The following MS4A4E variants were observed in gnomAD, a reference collection of about 807,000 sequenced individuals.
MS4A4E encodes membrane spanning 4-domains A4E.
Under a neutral mutation model 13.3 loss-of-function variants are expected in MS4A4E, and 23 were observed. That is an observed-to-expected ratio of 1.73 (90% CI 1.25 to 2.45). The LOEUF (loss-of-function observed/expected upper bound fraction) is 2.45, where lower values mean the gene tolerates loss of function less well. MS4A4E is among the 30% of genes most tolerant of loss of function. The pLI, the probability that MS4A4E is intolerant of heterozygous loss-of-function variation, is 0.00. For missense variants in MS4A4E, 144 were observed against 131.2 expected (o/e 1.10, Z -0.48); for synonymous variants, 36 against 45.6 (o/e 0.79, Z 0.85).
chr11:60,222,587 G>A (rs2084282953), intron 3 of MS4A4E, among the ~76,000 whole-genome samples: 1 of 152,150 alleles, frequency 6.6e-6, no homozygotes, highest in Admixed American at 6.5e-5. Flanking sequence ...CAGAAATCAA[G>A]GGGTATAAGT....
rs1213590257 is a variant in MS4A4E, at chr11:60,243,012, C to T, written c.-71G>A. On this transcript the variant is annotated 5_prime_UTR_variant, in exon 1 of 9. Coordinates refer to ENST00000651255, the MANE Select transcript of MS4A4E (RefSeq NM_001393391.1). ...GGTCTGATGAGTGCAGGGCTCTGGG[C>T]AAGTTCCTCAAAGTTCTTTGTTCCA... The T allele has an allele frequency of 1.3e-6, 2 of 1,534,252 alleles. No individual in the cohort carries two copies. Among genetic ancestry groups the T allele is most frequent in the South Asian group, 1.2e-5 (1 of 83,356 alleles).
rs2084078750 is a variant in MS4A4E at position 60,208,597 on chromosome 11, C to T, written c.479G>A (p.Ser160Asn). 9 of 1,242,288 alleles carry T rather than the reference C, an allele frequency of 7.2e-6. No homozygotes were observed. Among genetic ancestry groups the T allele is most frequent in the Admixed American group, 5.5e-5 (3 of 54,124 alleles). The allele number at this position is 1,242,288 out of a possible 1,614,324, so 77.0% of individuals were successfully genotyped here. Residue 160 changes from serine (S) to asparagine (N), a missense_variant, in exon 6 of 9, where the codon AGT becomes AAT. Physicochemically the swap from Ser to Asn is conservative, Grantham distance 46. Around this residue, in one of 3 missense-constraint regions of MS4A4E, gnomAD observed 21 missense variants for 25.1 expected, o/e 0.84. Transcript: ENST00000651255. The stretch of plus-strand genomic sequence containing the variant: ...CAAATGAAGGCCAATACTGACCTCA[C>T]TGGGGCTACAACAAAGCACTTTACA... ...FGCKVLCCSP[S>N]ESKNKIRSNT...
intron 3 of MS4A4E, 99 bp from the exon 4 acceptor site, chr11:60,214,713 T>C (rs2084168873): frequency 7.2e-6 from 5 of 692,342 alleles, no homozygotes; most frequent in Admixed American, 3.1e-5. Flanking sequence ...CCAAATTAGA[T>C]AGATATGTAT....
chr11:60,205,731 G>A lies in MS4A4E; in HGVS notation c.573C>T (p.Val191=), dbSNP rs1006735100. Among the ~76,000 whole-genome samples the A allele has an allele frequency of 3.3e-5, 5 of 152,150 alleles. No individual in the cohort carries two copies. Among genetic ancestry groups the A allele is most frequent in the Admixed American group, 1.3e-4 (2 of 15,280 alleles). Residue 191 remains valine (V), a synonymous_variant, in exon 7 of 9, where the codon GTC becomes GTT. Coordinates refer to ENST00000651255, the MANE Select transcript of MS4A4E (RefSeq NM_001393391.1). The part of the protein sequence containing the change: ...QYDGKRLNVD[V]DSTVWCSGDG... ...TTATTTACCACCATACAGTACTGTC[G>A]ACATCAACATTTAGTCTCTTTCCAT...
At chr11:60,232,284 A>AACACACACACACACACACACACACACAC (rs3221531) in intron 1 of MS4A4E, among the ~76,000 whole-genome samples, 58 of 130,240 alleles carry the variant, frequency 4.5e-4, no homozygotes, top group Middle Eastern at 3.6e-3. Context: ...CATCGCCATC[A>AACACACACACACACACACACACACACAC]ACACACACAC....
intron 1 of MS4A4E, among the ~76,000 whole-genome samples, chr11:60,236,604 A>G (rs2084486310): frequency 6.6e-6 from 1 of 150,680 alleles, no homozygotes; most frequent in Non-Finnish European, 1.5e-5. Context: ...AGCATATAGA[A>G]CTCCAATTTA....
At chr11:60,240,807 T>C (rs2084539012) in intron 1 of MS4A4E, among the ~76,000 whole-genome samples, 1 of 152,146 alleles carries the variant, frequency 6.6e-6, no homozygotes. Flanking sequence ...ACTAACAGTT[T>C]TGCATAGTTT....
chr11:60,234,225 T>C (rs1439048523), intron 1 of MS4A4E, among the ~76,000 whole-genome samples: 1 of 152,202 alleles, frequency 6.6e-6, no homozygotes, highest in Non-Finnish European at 1.5e-5. Context: ...CTGCTTCTGA[T>C]GACTCTGGAC....
intron 3 of MS4A4E, among the ~76,000 whole-genome samples, chr11:60,225,470 G>A (rs1056518639): frequency 2.6e-5 from 4 of 152,122 alleles, no homozygotes; most frequent in Non-Finnish European, 5.9e-5. Context: ...TGAAGAAAAA[G>A]GAGTGTATAC....
chr11:60,227,317 C>T (rs1372347364), intron 3 of MS4A4E, among the ~76,000 whole-genome samples: 3 of 152,134 alleles, frequency 2.0e-5, no homozygotes, highest in South Asian at 2.1e-4. Context: ...TTTGGGAGGC[C>T]GAAGCGGGCG....
chr11:60,219,940 A>T (rs927218793), intron 3 of MS4A4E, among the ~76,000 whole-genome samples: 5 of 150,116 alleles, frequency 3.3e-5, no homozygotes, highest in Admixed American at 2.0e-4. Context: ...CTCATCCTGC[A>T]TTCATTTCCC....
At chr11:60,220,762 C>T (rs776094721) in intron 3 of MS4A4E, among the ~76,000 whole-genome samples, 11 of 152,150 alleles carry the variant, frequency 7.2e-5, no homozygotes, top group Non-Finnish European at 1.5e-4. Context: ...GGATAAGTTG[C>T]TGTATTTGCC....
chr11:60,211,286 T>A (rs1314450372), intron 5 of MS4A4E, among the ~76,000 whole-genome samples: 2 of 152,224 alleles, frequency 1.3e-5, no homozygotes, highest in African/African-American at 2.4e-5. Flanking sequence ...TCTTTTCTTA[T>A]CTTGAGTGAG....
chr11:60,233,829 G>C (rs998483919), intron 1 of MS4A4E, among the ~76,000 whole-genome samples: 24 of 152,156 alleles, frequency 1.6e-4, no homozygotes, highest in African/African-American at 5.8e-4. Flanking sequence ...TGGGAGTGGG[G>C]CTACCTTTGA....
intron 1 of MS4A4E, among the ~76,000 whole-genome samples, chr11:60,231,200 T>G (rs1320711240): frequency 6.6e-6 from 1 of 151,980 alleles, no homozygotes; most frequent in Non-Finnish European, 1.5e-5. Flanking sequence ...ATTAATCATT[T>G]AGAGCATTAA....
intron 2 of MS4A4E, 115 bp downstream of exon 2, chr11:60,229,797 A>T: frequency 9.9e-7 from 1 of 1,005,074 alleles, no homozygotes; most frequent in Non-Finnish European, 1.4e-6. Context: ...TTCTGATGTT[A>T]CTAGGGCTGG....
chr11:60,211,863 A>G lies in MS4A4E; in HGVS notation c.381+1111T>C, dbSNP rs1206614427. 3.9e-5 allele frequency among the ~76,000 whole-genome samples: 6 copies of G among 152,216 alleles called. No individual in the cohort carries two copies. In the East Asian group the frequency reaches 1.2e-3, roughly 29 times the overall value. Reference sequence around the variant, plus strand: ...AGGAGGTGGAGTTTGCAATGAGCAGAGATTGTGCCACCACGTGCATTGTGA... The same window carrying G: ...AGGAGGTGGAGTTTGCAATGAGCAGGGATTGTGCCACCACGTGCATTGTGA... On this transcript the variant is annotated intron_variant, in intron 5 of 8. Transcript: ENST00000651255.
At chr11:60,229,121 C>A (rs558505720) in intron 2 of MS4A4E, among the ~76,000 whole-genome samples, 12 of 152,188 alleles carry the variant, frequency 7.9e-5, no homozygotes, top group Non-Finnish European at 1.6e-4. Flanking sequence ...AAAAGCTATG[C>A]ATGTGTCGGG....
At position 60,242,153 on chromosome 11, in the gene MS4A4E, G is replaced by A. The variant is rs2084560133; in HGVS notation, c.-17+805C>T. 2.6e-5 allele frequency among the ~76,000 whole-genome samples: 4 copies of A among 152,170 alleles called. No individual in the cohort carries two copies. In the South Asian group the frequency reaches 8.3e-4, roughly 32 times the overall value. ...GATGGGGATGCAGAAATGGTGGCAT[G>A]GGAAGGGAAAAGGGGGAAAGGCCTG... On this transcript the variant is annotated intron_variant, in intron 1 of 8. Coordinates refer to ENST00000651255, the MANE Select transcript of MS4A4E (RefSeq NM_001393391.1).
Sources: gnomAD v4.1 joint callset for allele counts (sites outside exome capture counted in the v4.1 genomes callset) on GRCh38, gnomAD v4.1.1 for gene constraint, gnomAD v4.1.1 regional missense constraint, MANE v1.5 for transcripts, NCBI Gene and HGNC (gene_info 2026-07-23, HGNC 2026-07-21) for gene names.